ABAT: variants seen among roughly 807,000 people sequenced by gnomAD.
ABAT encodes 4-aminobutyrate aminotransferase, mitochondrial.
In ABAT, 45 loss-of-function variants were observed where a neutral mutation model predicts 64.6. That is an observed-to-expected ratio of 0.70 (90% CI 0.55 to 0.89). ABAT has a LOEUF of 0.89. ABAT is among the 40% of genes least tolerant of loss of function. The pLI, the probability that ABAT is intolerant of heterozygous loss-of-function variation, is 0.00. For missense variants in ABAT, 633 were observed against 658.4 expected, an observed-to-expected ratio of 0.96 and a Z score of 0.42; for synonymous variants, 297 against 250.5, an observed-to-expected ratio of 1.19 and a Z score of -1.75.
At position 8,783,255 on chromosome 16, in the gene ABAT, T is replaced by C. The variant is rs2143010802; in HGVS notation, c.*1825T>C. ...ACCATCCCAGGCCCTGTGCGGAGCA[T>C]CGGGAATACAAAGATGAGATAAAAC... On this transcript the variant is annotated 3_prime_UTR_variant, in exon 16 of 16. Coordinates refer to ENST00000268251, the MANE Select transcript of ABAT (RefSeq NM_020686.6). 1 of 152,192 alleles carries C rather than the reference T, an allele frequency of 6.6e-6. No individual in the cohort carries two copies. The highest frequency in any genetic ancestry group is 1.5e-5 in the Non-Finnish European group (1 of 68,024). The allele number at this position is 152,192 out of a possible 1,614,324, so 9.4% of individuals were successfully genotyped here.
chr16:8,692,338 T>C (rs2057602863), intron 1 of ABAT, among the ~76,000 whole-genome samples: 1 of 152,184 alleles, frequency 6.6e-6, no homozygotes, highest in Admixed American at 6.5e-5. Context: ...ATCACACCAC[T>C]GCCCTCCAGC....
intron 6 of ABAT, among the ~76,000 whole-genome samples, chr16:8,760,792 C>T (rs1345362079): frequency 3.3e-5 from 5 of 152,176 alleles, no homozygotes; most frequent in Admixed American, 1.3e-4. Context: ...CCAGAGATTC[C>T]GGCTGCATGT....
chr16:8,714,392 T>TA (rs2058153154), intron 1 of ABAT, among the ~76,000 whole-genome samples: 1 of 152,236 alleles, frequency 6.6e-6, no homozygotes, highest in South Asian at 2.1e-4. Flanking sequence ...GCATTTCAGA[T>TA]AGAGTTTGCA....
rs546134548 is a variant in ABAT at position 8,779,291 on chromosome 16, CAT to C, written c.1270-187_1270-186del. ...TGGTTTTTTTCCTCCACACAACACA[CAT>C]GTGCACAGCTGGGCTTTGAACCCAG... On this transcript the variant is annotated intron_variant, in intron 14 of 15. Coordinates refer to ENST00000268251, the MANE Select transcript of ABAT (RefSeq NM_020686.6). Among the ~76,000 whole-genome samples, 21 of 152,238 alleles carry C rather than the reference CAT, an allele frequency of 1.4e-4. No homozygotes were observed. In the South Asian group the frequency reaches 4.3e-3, roughly 32 times the overall value.
intron 1 of ABAT, among the ~76,000 whole-genome samples, chr16:8,721,333 G>C (rs1022900821): frequency 6.6e-6 from 1 of 152,072 alleles, no homozygotes; most frequent in African/African-American, 2.4e-5. Flanking sequence ...ATGAAGTCCT[G>C]TGGTCATATG....
chr16:8,783,256 C>G lies in ABAT; in HGVS notation c.*1826C>G, dbSNP rs886052441. On this transcript the variant is annotated 3_prime_UTR_variant, in exon 16 of 16. Transcript: ENST00000268251. ...CCATCCCAGGCCCTGTGCGGAGCAT[C>G]GGGAATACAAAGATGAGATAAAACA... is the stretch of plus-strand genomic sequence containing the variant. 4 of 152,022 alleles carry G rather than the reference C, an allele frequency of 2.6e-5. No homozygotes were observed. The South Asian group carries it at 8.3e-4, about 32-fold the overall frequency. The allele number at this position is 152,022 out of a possible 1,614,324, so 9.4% of individuals were successfully genotyped here.
intron 1 of ABAT, among the ~76,000 whole-genome samples, chr16:8,679,105 GC>G (rs1448623420): frequency 6.6e-6 from 1 of 152,138 alleles, no homozygotes; most frequent in Non-Finnish European, 1.5e-5. Context: ...AATCACTTGA[GC>G]CCAGGAGTTT....
At chr16:8,708,943 G>A (rs2058010359) in intron 1 of ABAT, among the ~76,000 whole-genome samples, 1 of 152,138 alleles carries the variant, frequency 6.6e-6, no homozygotes, top group South Asian at 2.1e-4. Context: ...GTGTATGTCA[G>A]TCCCACCTGA....
chr16:8,699,400 C>G (rs1466610176), intron 1 of ABAT, among the ~76,000 whole-genome samples: 1 of 152,034 alleles, frequency 6.6e-6, no homozygotes, highest in Non-Finnish European at 1.5e-5. Flanking sequence ...AACCCTATCT[C>G]TACAAAAATT....
At chr16:8,755,974 A>G (rs1422454094) in intron 5 of ABAT, among the ~76,000 whole-genome samples, 3 of 152,022 alleles carry the variant, frequency 2.0e-5, no homozygotes, top group South Asian at 2.1e-4. Flanking sequence ...GCGTGAACCC[A>G]GGAGGCGGAG....
chr16:8,733,876 G>C (rs1596438663), intron 1 of ABAT, among the ~76,000 whole-genome samples: 1 of 152,350 alleles, frequency 6.6e-6, no homozygotes, highest in Admixed American at 6.5e-5. Flanking sequence ...TCATATGACA[G>C]GAATCATGCA....
chr16:8,683,770 C>A (rs66839842), intron 1 of ABAT, among the ~76,000 whole-genome samples: 88,334 of 151,628 alleles, frequency 0.58, 26,111 homozygotes, highest in East Asian at 0.76. Flanking sequence ...AGACTCCAGG[C>A]ATGGTTGTCT....
intron 2 of ABAT, among the ~76,000 whole-genome samples, chr16:8,740,265 A>T (rs920409815): frequency 1.3e-5 from 2 of 152,058 alleles, no homozygotes; most frequent in African/African-American, 4.8e-5. Context: ...TTGGGATCCT[A>T]TGTTTATTAT....
chr16:8,778,092 C>T (rs915892401), intron 14 of ABAT, among the ~76,000 whole-genome samples: 1 of 152,156 alleles, frequency 6.6e-6, no homozygotes. Flanking sequence ...CCCCAGTACC[C>T]TGAAATTATT....
At chr16:8,718,464 G>C (rs992291142) in intron 1 of ABAT, among the ~76,000 whole-genome samples, 8 of 152,210 alleles carry the variant, frequency 5.3e-5, no homozygotes, top group Non-Finnish European at 1.0e-4. Flanking sequence ...ATGGGACTCA[G>C]AGGTTGCTTT....
chr16:8,683,022 C>G (rs1399185957), intron 1 of ABAT, among the ~76,000 whole-genome samples: 2 of 152,194 alleles, frequency 1.3e-5, no homozygotes, highest in East Asian at 3.8e-4. Flanking sequence ...CATCTGTTAC[C>G]ATGTAATTGG....
At chr16:8,758,471 G>A (rs2059705527) in intron 6 of ABAT, among the ~76,000 whole-genome samples, 1 of 152,178 alleles carries the variant, frequency 6.6e-6, no homozygotes, top group South Asian at 2.1e-4. Flanking sequence ...AGAGAGTGGG[G>A]AGGGACCCAA....
At chr16:8,739,498 A>G (rs2059098317) in intron 2 of ABAT, among the ~76,000 whole-genome samples, 3 of 152,110 alleles carry the variant, frequency 2.0e-5, no homozygotes, top group Admixed American at 2.0e-4. Flanking sequence ...CGGGTGGATC[A>G]CCTGAGGTCA....
intron 11 of ABAT, among the ~76,000 whole-genome samples, chr16:8,769,789 G>A (rs904250973): frequency 4.6e-5 from 7 of 152,246 alleles, no homozygotes; most frequent in Admixed American, 1.3e-4. Context: ...GATCCACTCA[G>A]TATATGGGGG....
Sources: allele counts gnomAD v4.1 joint callset (sites outside exome capture counted in the v4.1 genomes callset), GRCh38; gene constraint gnomAD v4.1.1; transcripts MANE v1.5; gene names NCBI Gene and HGNC (gene_info 2026-07-23, HGNC 2026-07-21).